Variants in RNF17 observed in about 807,000 individuals in gnomAD.
RNF17 encodes spermatogenesis associated 23.
Under a neutral mutation model 200.5 loss-of-function variants are expected in RNF17, and 31 were observed. The observed-to-expected ratio is 0.15, with a 90% confidence interval of 0.12 to 0.21. The LOEUF (loss-of-function observed/expected upper bound fraction) is 0.21, where lower values mean the gene tolerates loss of function less well. Among genes scored for constraint, RNF17 ranks in the 10% least tolerant of loss-of-function variants. RNF17 has a pLI of 1.00. For missense variants in RNF17, 1,628 were observed against 1,905.1 expected (o/e 0.85, Z 2.71); for synonymous variants, 606 against 637.8 (o/e 0.95, Z 0.75).
rs898188575 is a variant in RNF17, at chr13:24,767,355, C to T, written c.214C>T (p.Pro72Ser). 5.6e-6 allele frequency: 9 copies of T among 1,594,538 alleles called. No homozygotes were observed. The highest frequency in any genetic ancestry group is 7.7e-6 in the Non-Finnish European group (9 of 1,162,706). ...TGAAGAATGCACCACAATTATATGC[C>T]CTGATTGTGAGGTAAGTGTTATAAT... ...MTEECTTIIC[P>S]DCEVATAVNT... Residue 72 changes from proline to serine, a missense_variant, in exon 2 of 36, where the codon CCT (proline) becomes TCT (serine). Around this residue, in one of 5 missense-constraint regions of RNF17, gnomAD observed 502 missense variants for 501.7 expected, o/e 1.00. Coordinates refer to ENST00000255324, the MANE Select transcript of RNF17 (RefSeq NM_031277.3).
chr13:24,885,807 C>CTT, the RNF17 span: 9,624 of 695,912 alleles, frequency 0.014, 643 homozygotes, highest in African/African-American at 0.15. Context: ...TAATATTTTT[C>CTT]TTTACTAATT....
At chr13:24,776,601 C>T (rs1000799392) in intron 3 of RNF17, among the ~76,000 whole-genome samples, 1 of 152,156 alleles carries the variant, frequency 6.6e-6, no homozygotes, top group South Asian at 2.1e-4. Context: ...TCTGGCTCAT[C>T]GTGAGTCCCC....
downstream of RNF17, chr13:24,882,911 C>T: frequency 2.2e-6 from 1 of 450,356 alleles, no homozygotes; most frequent in Non-Finnish European, 4.1e-6. Flanking sequence ...ATAAACACAC[C>T]CACTTACTGT....
At chr13:24,799,048 G>A (rs78549745) in intron 11 of RNF17, among the ~76,000 whole-genome samples, 135 of 152,302 alleles carry the variant, frequency 8.9e-4, no homozygotes, top group African/African-American at 3.0e-3. Flanking sequence ...TGTAAGTACA[G>A]TGTAATTATG....
intron 18 of RNF17, among the ~76,000 whole-genome samples, chr13:24,841,012 T>C (rs1890577909): frequency 6.6e-6 from 1 of 152,226 alleles, no homozygotes; most frequent in African/African-American, 2.4e-5. Flanking sequence ...AGCTACCGGC[T>C]GGAAAGGTGT....
the RNF17 span, among the ~76,000 whole-genome samples, chr13:24,749,307 C>CTTTTTTTTTTTTTTTTTTTTTTTTTT: frequency 2.5e-4 from 27 of 108,020 alleles, 1 homozygote; most frequent in East Asian, 1.3e-3. Context: ...TTCTTTCTTT[C>CTTTTTTTTTTTTTTTTTTTTTTTTTT]TTTTTTTTTT....
At chr13:24,826,668 G>A (rs543893109) in intron 16 of RNF17, among the ~76,000 whole-genome samples, 2 of 152,160 alleles carry the variant, frequency 1.3e-5, no homozygotes, top group Admixed American at 6.5e-5. Context: ...AGCTATTCAG[G>A]AGGCTGAGGC....
At chr13:24,796,906 A>G (rs549856238) in intron 11 of RNF17, among the ~76,000 whole-genome samples, 3 of 152,332 alleles carry the variant, frequency 2.0e-5, no homozygotes, top group South Asian at 4.1e-4. Context: ...GTTAGTAGCA[A>G]TCAATACCTA....
chr13:24,785,047 T>A (rs1882922579), intron 6 of RNF17, among the ~76,000 whole-genome samples: 1 of 152,178 alleles, frequency 6.6e-6, no homozygotes, highest in Admixed American at 6.5e-5. Flanking sequence ...TTAATTCTAA[T>A]CTTGAAGTCA....
At chr13:24,822,706 C>G (rs967663571) in intron 15 of RNF17, among the ~76,000 whole-genome samples, 3 of 152,172 alleles carry the variant, frequency 2.0e-5, no homozygotes, top group Non-Finnish European at 4.4e-5. Flanking sequence ...AGGCATCAGC[C>G]ACTGCACCCA....
chr13:24,883,434 A>AC, downstream of RNF17: 5 of 1,331,052 alleles, frequency 3.8e-6, no homozygotes, highest in Non-Finnish European at 5.2e-6. Flanking sequence ...CAACAGAAAA[A>AC]CTACTGAAAA....
intron 17 of RNF17, 143 bp downstream of exon 17, chr13:24,830,742 G>T: frequency 4.6e-6 from 3 of 645,512 alleles, no homozygotes; most frequent in Non-Finnish European, 8.2e-6. Context: ...TGTTGCTGTG[G>T]TTACTATTGA....
upstream of RNF17, among the ~76,000 whole-genome samples, chr13:24,761,535 G>T (rs1451023721): frequency 6.6e-5 from 10 of 152,200 alleles, no homozygotes; most frequent in Non-Finnish European, 1.5e-4. Context: ...TAAAAATTGT[G>T]TATTCAAGAA....
At chr13:24,882,505 T>C (rs1251482954), downstream of RNF17, 2 of 152,190 alleles carry the variant, frequency 1.3e-5, no homozygotes, top group African/African-American at 2.4e-5. Context: ...AACATCAGGG[T>C]AGCTGTGGTC....
intron 15 of RNF17, among the ~76,000 whole-genome samples, chr13:24,817,293 A>G (rs1887517153): frequency 6.6e-6 from 1 of 152,122 alleles, no homozygotes; most frequent in Non-Finnish European, 1.5e-5. Context: ...CCTCTTTACT[A>G]GTTATAAGTC....
rs1890686927 is a variant in RNF17, at chr13:24,841,960, T to C, written c.2483-81T>C. 8.7e-6 allele frequency: 11 copies of C among 1,260,698 alleles called. No individual in the cohort carries two copies. The South Asian group carries it at 1.4e-4, about 16-fold the overall frequency. 78.1% of individuals were successfully genotyped at this position (1,260,698 alleles called of 1,614,324 possible). On this transcript the variant is annotated intron_variant, in intron 18 of 35. Transcript: ENST00000255324. ...CAGCCTGGGCGACAGAGTGAGACTC[T>C]GTCTCCAAAAAAAAAAATTGCCTCA...
At chr13:24,854,186 G>A (rs747413176) in intron 25 of RNF17, 42 bp downstream of exon 25, 40 of 1,436,422 alleles carry the variant, frequency 2.8e-5, no homozygotes, top group East Asian at 4.6e-5. Flanking sequence ...TCTCTAGTAC[G>A]AACGACAGGG....
At chr13:24,850,724 C>G (rs765668558) in intron 23 of RNF17, among the ~76,000 whole-genome samples, 1 of 151,868 alleles carries the variant, frequency 6.6e-6, no homozygotes, top group Admixed American at 6.6e-5. Flanking sequence ...TACCTTTTTC[C>G]ATATGAAGCA....
the RNF17 span, among the ~76,000 whole-genome samples, chr13:24,759,079 CAAA>C: frequency 3.5e-4 from 23 of 65,364 alleles, no homozygotes; most frequent in Non-Finnish European, 4.9e-4. Flanking sequence ...ACTGTGTCTC[CAAA>C]AAAAAAAAAA....
Sources: allele counts gnomAD v4.1 joint callset (sites outside exome capture counted in the v4.1 genomes callset), GRCh38; gene constraint gnomAD v4.1.1; regional missense constraint gnomAD v4.1.1; transcripts MANE v1.5; gene names NCBI Gene and HGNC (gene_info 2026-07-23, HGNC 2026-07-21).